COG5: variants seen among roughly 807,000 people sequenced by gnomAD.
COG5 encodes the protein conserved oligomeric Golgi complex subunit 5.
A neutral mutation model predicts 110.4 loss-of-function variants in COG5; 86 were observed. That is an observed-to-expected ratio of 0.78 (90% CI 0.65 to 0.93). The LOEUF (loss-of-function observed/expected upper bound fraction) is 0.93, where lower values mean the gene tolerates loss of function less well. COG5 is among the 40% of genes least tolerant of loss of function. COG5 has a pLI of 0.00. For missense variants in COG5, 1,077 were observed against 987.0 expected (o/e 1.09, Z -1.22); for synonymous variants, 360 against 334.6 (o/e 1.08, Z -0.83).
intron 10 of COG5, among the ~76,000 whole-genome samples, chr7:107,336,336 A>G (rs76518253): frequency 0.015 from 2,251 of 152,276 alleles, 36 homozygotes; most frequent in Middle Eastern, 0.075. Context: ...TGAGCTAGAA[A>G]TGTGGATCTC....
intron 6 of COG5, among the ~76,000 whole-genome samples, chr7:107,419,607 G>A (rs1394644347): frequency 6.9e-6 from 1 of 145,930 alleles, no homozygotes; most frequent in Non-Finnish European, 1.5e-5. Context: ...CACTCTTGTC[G>A]CCCAGGCTGG....
At chr7:107,508,501 A>G (rs1799215435) in intron 6 of COG5, among the ~76,000 whole-genome samples, 1 of 152,230 alleles carries the variant, frequency 6.6e-6, no homozygotes, top group South Asian at 2.1e-4. Flanking sequence ...GCAGACTTAA[A>G]GGTCCCTGTC....
In COG5 at chr7:107,279,926, C is replaced by A. The variant is rs189821602; in HGVS notation, c.1575+1374G>T. 2.6e-3 allele frequency among the ~76,000 whole-genome samples: 391 copies of A among 152,132 alleles called. 2 individuals carry two copies. Among genetic ancestry groups the A allele is most frequent in the African/African-American group, 9.2e-3 (382 of 41,522 alleles). On this transcript the variant is annotated intron_variant, in intron 14 of 21. Coordinates refer to ENST00000297135, the MANE Select transcript of COG5 (RefSeq NM_006348.5). ...ATTTTGATTTCGTCTAAGCCTTTTG[C>A]CATTACTATGTTAACTGAAGTACAT... is the stretch of plus-strand genomic sequence containing the variant.
rs552313713 is a variant in COG5 at position 107,553,004 on chromosome 7, C to T, written c.292+1281G>A. ...GGTGATTATCCTAAGCAAATTAAGG[C>T]AGGAAGAGAAAAATCAAATACTGCA... On this transcript the variant is annotated intron_variant, in intron 3 of 21. Coordinates refer to ENST00000297135, the MANE Select transcript of COG5 (RefSeq NM_006348.5). Among the ~76,000 whole-genome samples the T allele has an allele frequency of 2.0e-5, 3 of 152,176 alleles. No homozygotes were observed. In the East Asian group the frequency reaches 5.8e-4, roughly 29 times the overall value.
At chr7:107,393,304 A>C (rs1297773820) in intron 7 of COG5, among the ~76,000 whole-genome samples, 1 of 151,966 alleles carries the variant, frequency 6.6e-6, no homozygotes, top group African/African-American at 2.4e-5. Context: ...TCTTTACAAA[A>C]CCACTCCCAT....
intron 19 of COG5, among the ~76,000 whole-genome samples, chr7:107,220,625 A>C (rs1799844951): frequency 6.6e-6 from 1 of 152,138 alleles, no homozygotes; most frequent in Non-Finnish European, 1.5e-5. Context: ...CAGCTCCCTA[A>C]ACTCCAAATC....
intron 19 of COG5, among the ~76,000 whole-genome samples, chr7:107,215,206 A>G (rs147764160): frequency 6.6e-6 from 1 of 152,186 alleles, no homozygotes; most frequent in Non-Finnish European, 1.5e-5. Context: ...GAAAACAATC[A>G]GACCACAAAG....
chr7:107,427,043 G>A (rs113448028), intron 6 of COG5, among the ~76,000 whole-genome samples: 7 of 152,080 alleles, frequency 4.6e-5, no homozygotes, highest in African/African-American at 1.4e-4. Context: ...TATGGGTTTC[G>A]AGGTTTGCAC....
chr7:107,381,208 A>T (rs762830114), intron 7 of COG5, among the ~76,000 whole-genome samples: 17 of 152,238 alleles, frequency 1.1e-4, no homozygotes, highest in Non-Finnish European at 4.4e-5. Context: ...TGCTTTAAAA[A>T]TATTAAAAAG....
intron 19 of COG5, among the ~76,000 whole-genome samples, chr7:107,214,908 G>A (rs1299050847): frequency 2.0e-5 from 3 of 147,596 alleles, no homozygotes; most frequent in Non-Finnish European, 3.0e-5. Flanking sequence ...GTGATAGAGC[G>A]AGACTCTGTC....
At chr7:107,504,859 T>A (rs1008090173) in intron 6 of COG5, among the ~76,000 whole-genome samples, 4 of 152,334 alleles carry the variant, frequency 2.6e-5, no homozygotes, top group Non-Finnish European at 5.9e-5. Flanking sequence ...CAGTTTCATT[T>A]CTAATTGAGC....
At chr7:107,383,770 G>A (rs1815332650) in intron 7 of COG5, among the ~76,000 whole-genome samples, 1 of 152,102 alleles carries the variant, frequency 6.6e-6, no homozygotes, top group Admixed American at 6.5e-5. Context: ...GAACCCCCGG[G>A]AAGCCATTAA....
At chr7:107,563,287 C>T (rs1432523359) in intron 1 of COG5, among the ~76,000 whole-genome samples, 1 of 151,768 alleles carries the variant, frequency 6.6e-6, no homozygotes, top group Non-Finnish European at 1.5e-5. Context: ...TAGATAACTG[C>T]CTCATAAAGG....
chr7:107,414,334 ACAGTGATGTAG>A lies in COG5; in HGVS notation c.539-1713_539-1703del, dbSNP rs144396902. 2.9e-3 allele frequency among the ~76,000 whole-genome samples: 447 copies of A among 152,278 alleles called. 3 individuals are homozygous for A. The highest frequency in any genetic ancestry group is 0.01 in the African/African-American group (434 of 41,568). Reference sequence around the variant, plus strand: ...TATCTCTTGGATCCCTTCATATACCACAGTGATGTAGCAGGAAATGAAACTAATCTATTTGA... The same window carrying A: ...TATCTCTTGGATCCCTTCATATACCACAGGAAATGAAACTAATCTATTTGA... On this transcript the variant is annotated intron_variant, in intron 6 of 21. Transcript: ENST00000297135.
At chr7:107,419,411 A>G (rs1793112698) in intron 6 of COG5, among the ~76,000 whole-genome samples, 1 of 152,080 alleles carries the variant, frequency 6.6e-6, no homozygotes. Flanking sequence ...CTTAACCTTT[A>G]AAGAATGAAT....
At chr7:107,243,686 A>G (rs905595655) in intron 17 of COG5, among the ~76,000 whole-genome samples, 3 of 152,032 alleles carry the variant, frequency 2.0e-5, no homozygotes, top group Non-Finnish European at 4.4e-5. Flanking sequence ...AGACCTTTAC[A>G]GAACTCTCCA....
At chr7:107,460,932 T>C (rs1795954009) in intron 6 of COG5, among the ~76,000 whole-genome samples, 1 of 152,126 alleles carries the variant, frequency 6.6e-6, no homozygotes, top group African/African-American at 2.4e-5. Context: ...TATTATCTAT[T>C]AAATTATTTG....
intron 6 of COG5, among the ~76,000 whole-genome samples, chr7:107,488,767 A>G (rs1456170874): frequency 2.0e-5 from 3 of 152,130 alleles, no homozygotes; most frequent in Non-Finnish European, 4.4e-5. Context: ...GGACCACCTA[A>G]GCCCAGGAGG....
At chr7:107,339,868 T>A (rs1322153694) in intron 10 of COG5, among the ~76,000 whole-genome samples, 3 of 151,674 alleles carry the variant, frequency 2.0e-5, no homozygotes, top group Non-Finnish European at 2.9e-5. Context: ...AAAAGCAGTG[T>A]TAAGAGGAAA....
Sources: allele counts gnomAD v4.1 joint callset (sites outside exome capture counted in the v4.1 genomes callset), GRCh38; gene constraint gnomAD v4.1.1; transcripts MANE v1.5; gene names NCBI Gene and HGNC (gene_info 2026-07-23, HGNC 2026-07-21).